The following SGSM3 variants were observed in gnomAD, a reference collection of about 807,000 sequenced individuals.
SGSM3 encodes small G protein signaling modulator 3.
SGSM3 carries 96 observed loss-of-function variants against 100.5 expected under a neutral mutation model. The observed-to-expected ratio is 0.96, with a 90% CI of 0.81 to 1.13. SGSM3 has a LOEUF of 1.13. Among genes scored for constraint, SGSM3 ranks in the 50% most tolerant of loss-of-function variants. The probability of loss-of-function intolerance (pLI) is 0.00; values close to 1 mark genes in which losing one functional copy is unlikely to be tolerated. For missense variants in SGSM3, 1,001 were observed against 1,015.8 expected (o/e 0.99, Z 0.20); for synonymous variants, 483 against 422.8 (o/e 1.14, Z -1.75).
rs991602621 is a variant in SGSM3, at chr22:40,404,267, A to C, written c.178A>C (p.Ser60Arg). Residue 60 changes from serine (S) to arginine (R), a missense_variant, in exon 5 of 22, where the codon AGT (serine) becomes CGT (arginine). Transcript: ENST00000248929. ...YKEEGDEPGS[S>R]LLANSPLMED... Reference sequence around the variant, plus strand: ...GGCAGAAGGTGATGAGCCTGGCTCCAGTCTGCTGGCGAACTCCCCTCTGAT... The same window carrying C: ...GGCAGAAGGTGATGAGCCTGGCTCCCGTCTGCTGGCGAACTCCCCTCTGAT... The C allele has an allele frequency of 2.0e-5, 31 of 1,518,594 alleles. No homozygotes were observed. Among genetic ancestry groups the C allele is most frequent in the Non-Finnish European group, 2.7e-5 (31 of 1,132,770 alleles). The allele number at this position is 1,518,594 out of a possible 1,614,324, so 94.1% of individuals were successfully genotyped here.
rs1822596391 is a variant in SGSM3, at chr22:40,406,437, G to A, written c.961-1G>A. The A allele has an allele frequency of 6.3e-7, 1 of 1,574,964 alleles. No homozygotes were observed. The highest frequency in any genetic ancestry group is 1.7e-5 in the Admixed American group (1 of 57,792). On this transcript the variant is annotated splice_acceptor_variant, in intron 9 of 21. Coordinates refer to ENST00000248929, the MANE Select transcript of SGSM3 (RefSeq NM_015705.6). LOFTEE classifies it high-confidence loss of function. ...CCCCATCCTGCCCTGGCATGGCCCA[G>A]GAGGAAGAGCTGATCCAGTCAGAGA...
chr22:40,396,981 A>G (rs1210422601), intron 1 of SGSM3, among the ~76,000 whole-genome samples: 1 of 152,204 alleles, frequency 6.6e-6, no homozygotes, highest in Admixed American at 6.5e-5. Flanking sequence ...AGGTTCCTAA[A>G]TCAATCCTGT....
Position 40,409,854 on chromosome 22 carries a change from C to T in SGSM3, c.*95C>T, listed in dbSNP as rs1021169984. ...GGGAAGAGCAGCTCCAGAGCCCTGG[C>T]CGGGGCCGCGGGATATCAATATCAG... is the stretch of plus-strand genomic sequence containing the variant. On this transcript the variant is annotated 3_prime_UTR_variant, in exon 22 of 22. Transcript: ENST00000248929. The T allele has an allele frequency of 6.7e-7, 1 of 1,498,158 alleles. No individual in the cohort carries two copies. Among genetic ancestry groups the T allele is most frequent in the Admixed American group, 2.3e-5 (1 of 44,384 alleles). The allele number at this position is 1,498,158 out of a possible 1,614,324, so 92.8% of individuals were successfully genotyped here.
Position 40,391,368 on chromosome 22 carries a change from G to A in SGSM3, c.-111-9328G>A, listed in dbSNP as rs192046757. On this transcript the variant is annotated intron_variant, in intron 1 of 21. Transcript: ENST00000248929. ...CACGTCTATAATCCCAGCACTTTGG[G>A]AGGCTAAGGCAGGAGGATGCCTTGA... 2.0e-3 allele frequency among the ~76,000 whole-genome samples: 312 copies of A among 152,310 alleles called. 2 individuals carry two copies. Among genetic ancestry groups the A allele is most frequent in the Non-Finnish European group, 3.0e-3 (204 of 68,016 alleles).
At chr22:40,397,049 G>A (rs964393583) in intron 1 of SGSM3, among the ~76,000 whole-genome samples, 1 of 152,132 alleles carries the variant, frequency 6.6e-6, no homozygotes, top group African/African-American at 2.4e-5. Context: ...CCACCCTGAC[G>A]TGGCTAACTC....
At chr22:40,404,801 C>T in intron 6 of SGSM3, 137 bp downstream of exon 6, 1 of 684,922 alleles carries the variant, frequency 1.5e-6, no homozygotes. Context: ...TGGTCCTCTG[C>T]AGGCCAAAGA....
intron 1 of SGSM3, among the ~76,000 whole-genome samples, chr22:40,392,388 TTG>T (rs1409073270): frequency 3.9e-5 from 6 of 151,996 alleles, no homozygotes; most frequent in African/African-American, 1.4e-4. Context: ...TGTTAGGAAA[TTG>T]TTAGTTACAA....
At chr22:40,378,931 T>C (rs2047101638) in intron 1 of SGSM3, among the ~76,000 whole-genome samples, 1 of 152,190 alleles carries the variant, frequency 6.6e-6, no homozygotes, top group Non-Finnish European at 1.5e-5. Flanking sequence ...TCACCACCTA[T>C]GTGCTGCTCT....
rs756424659 is a variant in SGSM3, at chr22:40,409,545, T to C, written c.2172+20T>C. The C allele has an allele frequency of 3.7e-6, 6 of 1,606,510 alleles. No individual in the cohort carries two copies. The highest frequency in any genetic ancestry group is 3.3e-5 in the South Asian group (3 of 90,138). ...AGAGAGGTGGGTGGTGTGGGCCTCG[T>C]AGGGCCTGCACTGATGGAGCTGCCC... On this transcript the variant is annotated intron_variant, in intron 21 of 21. Transcript: ENST00000248929.
intron 1 of SGSM3, among the ~76,000 whole-genome samples, chr22:40,381,624 A>G (rs1040398307): frequency 1.3e-5 from 2 of 152,142 alleles, no homozygotes; most frequent in African/African-American, 4.8e-5. Context: ...TTACTCCCCA[A>G]CATGTATGTA....
At chr22:40,399,355 G>A (rs113127116) in intron 1 of SGSM3, among the ~76,000 whole-genome samples, 7 of 152,296 alleles carry the variant, frequency 4.6e-5, no homozygotes, top group East Asian at 1.9e-4. Context: ...AAGCTGACAC[G>A]TGGTTGTTCT....
chr22:40,391,522 G>C (rs2049359404), intron 1 of SGSM3, among the ~76,000 whole-genome samples: 1 of 152,140 alleles, frequency 6.6e-6, no homozygotes, highest in South Asian at 2.1e-4. Context: ...GAGATGGGAG[G>C]ATTGCTTGAG....
At chr22:40,402,079 C>A in intron 3 of SGSM3, 60 bp from the exon 4 acceptor site, 1 of 1,325,246 alleles carries the variant, frequency 7.5e-7, no homozygotes, top group Non-Finnish European at 1.1e-6. Flanking sequence ...TGGCATCTTT[C>A]AGACCTGAGG....
chr22:40,406,441 G>A lies in SGSM3; in HGVS notation c.964G>A (p.Glu322Lys), dbSNP rs945322843. The A allele has an allele frequency of 2.7e-5, 43 of 1,578,052 alleles. No individual in the cohort carries two copies. Among genetic ancestry groups the A allele is most frequent in the Non-Finnish European group, 3.6e-5 (42 of 1,158,862 alleles). ...ATCCTGCCCTGGCATGGCCCAGGAGGAAGAGCTGATCCAGTCAGAGAACTC... is the reference window on the plus strand; with the variant it reads ...ATCCTGCCCTGGCATGGCCCAGGAGAAAGAGCTGATCCAGTCAGAGAACTC... The part of the protein sequence containing the change: ...LTLGMLHLKE[E>K]ELIQSENSAS... The change falls in exon 10 of 22, where the codon GAA becomes AAA. Residue 322 changes from glutamate (E) to lysine (K), a missense_variant. Transcript: ENST00000248929.
Position 40,407,220 on chromosome 22 carries a change from A to C in SGSM3, c.1260A>C (p.Ala420=). 6.2e-7 allele frequency: 1 copy of C among 1,613,536 alleles called. No individual in the cohort carries two copies. Reference sequence around the variant, plus strand: ...TCCTAGGGGAGGATGACCTGGAGGCACTCAAGGCCAAGAACATCAAGCAGA... The same window carrying C: ...TCCTAGGGGAGGATGACCTGGAGGCCCTCAAGGCCAAGAACATCAAGCAGA... ...ALLFGEDDLE[A]LKAKNIKQTE... The change falls in exon 12 of 22, where the codon GCA becomes GCC. Residue 420 remains alanine (A), a synonymous_variant. Coordinates refer to ENST00000248929, the MANE Select transcript of SGSM3 (RefSeq NM_015705.6). This position sits in a 1 kb window ranked among gnomAD's most constrained non-coding sequence, Gnocchi z 4.7.
chr22:40,375,083 CTT>C (rs1281638378), intron 1 of SGSM3, among the ~76,000 whole-genome samples: 2 of 152,228 alleles, frequency 1.3e-5, no homozygotes, highest in Non-Finnish European at 2.9e-5. Context: ...ACATTCACCT[CTT>C]TTCAGTAGGC....
In SGSM3 at chr22:40,407,120, C is replaced by T; in HGVS notation, c.1240+49C>T. The stretch of plus-strand genomic sequence containing the variant: ...CAGTGTGGGCATGCGGGAGTCTGTC[C>T]TCACGCTCATGTGGACGTGGAGCTT... On this transcript the variant is annotated intron_variant, in intron 11 of 21. Transcript: ENST00000248929. This position sits in a 1 kb window ranked among gnomAD's most constrained non-coding sequence, Gnocchi z 4.7. 1.2e-6 allele frequency: 2 copies of T among 1,609,868 alleles called. No individual in the cohort carries two copies. The highest frequency in any genetic ancestry group is 1.7e-6 in the Non-Finnish European group (2 of 1,178,246).
At chr22:40,384,046 C>T (rs145451918) in intron 1 of SGSM3, among the ~76,000 whole-genome samples, 138 of 152,220 alleles carry the variant, frequency 9.1e-4, no homozygotes, top group African/African-American at 3.2e-3. Flanking sequence ...TGCAGGAGTT[C>T]AAGACCTTCC....
chr22:40,377,329 A>T (rs1233568983), intron 1 of SGSM3, among the ~76,000 whole-genome samples: 1 of 152,244 alleles, frequency 6.6e-6, no homozygotes, highest in African/African-American at 2.4e-5. Flanking sequence ...CAGCTCCTTC[A>T]TCACAACCAC....
Sources: gnomAD v4.1 joint callset for allele counts (sites outside exome capture counted in the v4.1 genomes callset) on GRCh38, gnomAD v4.1.1 for gene constraint, Gnocchi (gnomAD v3.1) non-coding constraint, MANE v1.5 for transcripts, NCBI Gene and HGNC (gene_info 2026-07-23, HGNC 2026-07-21) for gene names.